Variants in GPR158 observed in about 807,000 individuals in gnomAD.
The protein encoded by GPR158 is metabotropic glycine receptor.
GPR158 carries 30 observed loss-of-function variants against 78.2 expected under a neutral mutation model. That is an observed-to-expected ratio of 0.38 (90% confidence interval 0.29 to 0.52). The LOEUF (loss-of-function observed/expected upper bound fraction) is 0.52. GPR158 is among the 20% of genes least tolerant of loss of function. GPR158 has a pLI of 0.83. For missense variants in GPR158, 1,463 were observed against 1,523.5 expected, an observed-to-expected ratio of 0.96 and a Z score of 0.66; for synonymous variants, 581 against 591.1, an observed-to-expected ratio of 0.98 and a Z score of 0.25.
intron 10 of GPR158, 38 bp downstream of exon 10, chr10:25,596,827 T>G (rs768888041): frequency 1.3e-6 from 2 of 1,590,410 alleles, no homozygotes; most frequent in Non-Finnish European, 1.7e-6. Context: ...TATTTCAGAT[T>G]AGCCTTATTT....
rs752962650 is a variant in GPR158 at position 25,175,818 on chromosome 10, C to G, written c.398C>G (p.Thr133Ser). ...HRALDTLTHA[T>S]NFLNVMLQSN... is the part of the protein sequence containing the mutation. ...GCGCTGGACACACTGACACACGCCA[C>G]CAACTTCCTCAACGTGATGCTGCAG... Residue 133 changes from threonine to serine, a missense_variant, in exon 1 of 11, where the codon ACC (threonine) becomes AGC (serine). Coordinates refer to ENST00000376351, the MANE Select transcript of GPR158 (RefSeq NM_020752.3). The surrounding 1 kb of genome is among the most constrained non-coding windows in gnomAD (Gnocchi z 6.4). The G allele has an allele frequency of 6.2e-7, 1 of 1,612,816 alleles. No individual in the cohort carries two copies. Among genetic ancestry groups the G allele is most frequent in the South Asian group, 1.1e-5 (1 of 91,090 alleles).
chr10:25,404,540 T>C (rs1354028585), intron 3 of GPR158, among the ~76,000 whole-genome samples: 2 of 152,110 alleles, frequency 1.3e-5, no homozygotes, highest in Non-Finnish European at 2.9e-5. Flanking sequence ...TTGCTACTAA[T>C]TCAGTAGATA....
chr10:25,352,753 A>G (rs74123872), intron 2 of GPR158, among the ~76,000 whole-genome samples: 11,736 of 152,092 alleles, frequency 0.077, 1,110 homozygotes, highest in African/African-American at 0.23. Flanking sequence ...TTTACAAACC[A>G]TTTAATTTTG....
chr10:25,201,917 A>G (rs371778495), intron 1 of GPR158, among the ~76,000 whole-genome samples: 4 of 152,266 alleles, frequency 2.6e-5, no homozygotes, highest in Admixed American at 1.3e-4. Flanking sequence ...TTCATCAAAT[A>G]TACTGGCCTG....
At chr10:25,559,056 T>C (rs138438455) in intron 6 of GPR158, among the ~76,000 whole-genome samples, 4 of 152,318 alleles carry the variant, frequency 2.6e-5, no homozygotes, top group Non-Finnish European at 4.4e-5. Flanking sequence ...GAGAGAGGGG[T>C]TGGAAATTTC....
At chr10:25,572,520 C>A in intron 6 of GPR158, 129 bp from the exon 7 acceptor site, 1 of 726,624 alleles carries the variant, frequency 1.4e-6, no homozygotes, top group Non-Finnish European at 2.4e-6. Flanking sequence ...AAAACAAATA[C>A]AAAACAAAGC....
intron 2 of GPR158, among the ~76,000 whole-genome samples, chr10:25,230,183 A>G (rs764624008): frequency 3.9e-5 from 6 of 152,232 alleles, no homozygotes; most frequent in African/African-American, 1.4e-4. Flanking sequence ...GTTAATCAGA[A>G]CAAAGATAAG....
intron 2 of GPR158, among the ~76,000 whole-genome samples, chr10:25,331,260 T>G (rs1855116801): frequency 6.6e-6 from 1 of 152,226 alleles, no homozygotes; most frequent in Non-Finnish European, 1.5e-5. Flanking sequence ...CTATTTTTAT[T>G]TTTAAGACAA....
intron 6 of GPR158, among the ~76,000 whole-genome samples, chr10:25,559,811 G>A (rs1836838681): frequency 6.6e-6 from 1 of 152,192 alleles, no homozygotes; most frequent in East Asian, 1.9e-4. Flanking sequence ...CTTTGACCAT[G>A]TATTACAGTT....
chr10:25,227,443 A>C (rs1853388842), intron 2 of GPR158, among the ~76,000 whole-genome samples: 1 of 152,248 alleles, frequency 6.6e-6, no homozygotes, highest in Non-Finnish European at 1.5e-5. Flanking sequence ...GTTAAATACT[A>C]AACCACTGTT....
intron 7 of GPR158, among the ~76,000 whole-genome samples, chr10:25,588,430 A>G (rs1837298972): frequency 6.6e-6 from 1 of 152,194 alleles, no homozygotes. Flanking sequence ...ACCTTTCCAC[A>G]CTCAACCCAC....
intron 2 of GPR158, among the ~76,000 whole-genome samples, chr10:25,311,111 T>C (rs1854757687): frequency 6.6e-6 from 1 of 152,034 alleles, no homozygotes; most frequent in African/African-American, 2.4e-5. Context: ...TATTTTAATA[T>C]TTGTTTGGGC....
chr10:25,194,326 G>C (rs1852816107), intron 1 of GPR158, among the ~76,000 whole-genome samples: 1 of 152,130 alleles, frequency 6.6e-6, no homozygotes, highest in African/African-American at 2.4e-5. Context: ...ATAACCTGAG[G>C]TCAAGAGTTC....
chr10:25,572,531 A>C, intron 6 of GPR158, 118 bp from the exon 7 acceptor site: 1 of 757,388 alleles, frequency 1.3e-6, no homozygotes, highest in South Asian at 1.6e-5. Context: ...AAAACAAAGC[A>C]AACTCTGATT....
rs1837308841 is a variant in GPR158 at position 25,589,139 on chromosome 10, C to A, written c.1886C>A (p.Thr629Lys). Residue 629 changes from threonine to lysine, a missense_variant, in exon 8 of 11, where the codon ACA becomes AAA. Physicochemically the swap from Thr to Lys is moderately conservative, Grantham distance 78 (BLOSUM62 -1). Transcript: ENST00000376351. ...NELIISAIFHTIRFVLASRLQ... is the reference protein window; with the variant it reads ...NELIISAIFHKIRFVLASRLQ... ...CTCATCATCTCTGCTATATTCCATACAATTAGGCAAGTGATCTGTAGAGCT... is the reference window on the plus strand; with the variant it reads ...CTCATCATCTCTGCTATATTCCATAAAATTAGGCAAGTGATCTGTAGAGCT... The A allele has an allele frequency of 6.2e-7, 1 of 1,600,832 alleles. No homozygotes were observed. The highest frequency in any genetic ancestry group is 1.7e-5 in the Admixed American group (1 of 59,142).
At chr10:25,558,855 T>C (rs1836823191) in intron 6 of GPR158, among the ~76,000 whole-genome samples, 1 of 152,244 alleles carries the variant, frequency 6.6e-6, no homozygotes, top group Non-Finnish European at 1.5e-5. Flanking sequence ...TGAGAGCACG[T>C]ACCTTGTGTG....
chr10:25,227,504 A>G (rs1481451793), intron 2 of GPR158, among the ~76,000 whole-genome samples: 1 of 152,130 alleles, frequency 6.6e-6, no homozygotes, highest in East Asian at 1.9e-4. Context: ...ATTCACATAT[A>G]ATTAGGTGTA....
In GPR158 at chr10:25,412,450, G is replaced by T; in HGVS notation, c.1312G>T (p.Val438Phe). ...GCTCGACTTCGTTAGCATGCTGGTG[G>T]TCTACCACTTTCGCAAAGCAAAGGT... The part of the protein sequence containing the change: ...MLLDFVSMLV[V>F]YHFRKAKSIR... Residue 438 changes from valine to phenylalanine, a missense_variant, in exon 4 of 11, where the codon GTC (valine) becomes TTC (phenylalanine). Coordinates refer to ENST00000376351, the MANE Select transcript of GPR158 (RefSeq NM_020752.3). 6.2e-7 allele frequency: 1 copy of T among 1,613,798 alleles called. No individual in the cohort carries two copies. The highest frequency in any genetic ancestry group is 1.1e-5 in the South Asian group (1 of 91,076).
intron 5 of GPR158, among the ~76,000 whole-genome samples, chr10:25,475,042 C>T (rs372289370): frequency 2.4e-4 from 37 of 152,168 alleles, no homozygotes; most frequent in African/African-American, 8.9e-4. Flanking sequence ...AATTGTAAAG[C>T]TTCTGAAATA....
Sources: gnomAD v4.1 joint callset for allele counts (sites outside exome capture counted in the v4.1 genomes callset) on GRCh38, gnomAD v4.1.1 for gene constraint, Gnocchi (gnomAD v3.1) non-coding constraint, MANE v1.5 for transcripts, NCBI Gene and HGNC (gene_info 2026-07-23, HGNC 2026-07-21) for gene names.